GPC6: variants seen among roughly 807,000 people sequenced by gnomAD.
GPC6 encodes the protein glypican 6.
GPC6 carries 14 observed loss-of-function variants against 55.2 expected under a neutral mutation model. The ratio of observed to expected loss-of-function variants is 0.25; its 90% CI spans 0.17 to 0.40. The LOEUF is 0.40. Among genes scored for constraint, GPC6 ranks in the 10% least tolerant of loss-of-function variants. GPC6 has a pLI of 1.00. For synonymous variants in GPC6, 278 were observed against 259.6 expected (o/e 1.07, Z -0.68); for missense variants, 641 against 708.5 (o/e 0.90, Z 1.08).
At chr13:93,362,665 T>C (rs1211653128) in intron 1 of GPC6, among the ~76,000 whole-genome samples, 3 of 149,796 alleles carry the variant, frequency 2.0e-5, no homozygotes, top group Non-Finnish European at 2.9e-5. Context: ...AGTTTGGAAG[T>C]GACTTACTGA....
intron 3 of GPC6, among the ~76,000 whole-genome samples, chr13:93,883,012 G>T (rs372442438): frequency 2.0e-5 from 3 of 151,728 alleles, no homozygotes; most frequent in Non-Finnish European, 4.4e-5. Context: ...TGAATCTCTC[G>T]TATTTTCTTT....
intron 6 of GPC6, among the ~76,000 whole-genome samples, chr13:94,368,418 T>G (rs1051025506): frequency 6.6e-6 from 1 of 152,148 alleles, no homozygotes; most frequent in Non-Finnish European, 1.5e-5. Flanking sequence ...GAAAACATGT[T>G]ATTAGTACAA....
At chr13:93,334,710 G>T (rs185730645) in intron 1 of GPC6, among the ~76,000 whole-genome samples, 1 of 152,056 alleles carries the variant, frequency 6.6e-6, no homozygotes, top group African/African-American at 2.4e-5. Context: ...CAGGTGATTC[G>T]CCTGCCTCAG....
chr13:94,361,316 G>A (rs1489910487), intron 6 of GPC6, among the ~76,000 whole-genome samples: 1 of 152,186 alleles, frequency 6.6e-6, no homozygotes, highest in Non-Finnish European at 1.5e-5. Flanking sequence ...AAGGCCCAGT[G>A]TTTAGAAGTA....
At chr13:94,043,758 A>G (rs1883626157) in intron 4 of GPC6, among the ~76,000 whole-genome samples, 1 of 151,782 alleles carries the variant, frequency 6.6e-6, no homozygotes, top group African/African-American at 2.4e-5. Context: ...GGAGTTGCTA[A>G]CCCATACTCC....
intron 2 of GPC6, among the ~76,000 whole-genome samples, chr13:93,623,350 G>A (rs148919862): frequency 1.3e-5 from 2 of 151,596 alleles, no homozygotes; most frequent in African/African-American, 2.4e-5. Context: ...AAGAACTTCC[G>A]TAATGTTTTC....
chr13:93,600,089 T>C (rs994777551), intron 2 of GPC6, among the ~76,000 whole-genome samples: 3 of 152,228 alleles, frequency 2.0e-5, no homozygotes, highest in Non-Finnish European at 4.4e-5. Context: ...TTACGCTTTC[T>C]CATTCTTATA....
At chr13:93,398,981 G>C (rs780052025) in intron 1 of GPC6, among the ~76,000 whole-genome samples, 13 of 152,028 alleles carry the variant, frequency 8.6e-5, no homozygotes, top group Non-Finnish European at 1.9e-4. Flanking sequence ...AGGCCAGAAA[G>C]AGAAACTGAA....
At chr13:93,285,480 A>G (rs960560412) in intron 1 of GPC6, among the ~76,000 whole-genome samples, 9 of 152,158 alleles carry the variant, frequency 5.9e-5, no homozygotes, top group African/African-American at 2.2e-4. Flanking sequence ...TGTCAATTAG[A>G]CTACAAATCA....
At chr13:93,260,217 C>T (rs1042790639) in intron 1 of GPC6, among the ~76,000 whole-genome samples, 6 of 151,932 alleles carry the variant, frequency 3.9e-5, no homozygotes, top group Admixed American at 3.3e-4. Context: ...TTGTAAAGGG[C>T]TTTTTATTGA....
chr13:93,469,790 G>T (rs528698832), intron 1 of GPC6, among the ~76,000 whole-genome samples: 2 of 151,940 alleles, frequency 1.3e-5, no homozygotes, highest in East Asian at 1.9e-4. Flanking sequence ...TTTACACTAG[G>T]TTTTTTTTGT....
chr13:93,346,598 C>G (rs545298627), intron 1 of GPC6, among the ~76,000 whole-genome samples: 1 of 152,214 alleles, frequency 6.6e-6, no homozygotes, highest in African/African-American at 2.4e-5. Flanking sequence ...TCTGTTGCCC[C>G]AGTGTCTAAA....
chr13:93,280,892 C>T (rs1176240757), intron 1 of GPC6, among the ~76,000 whole-genome samples: 3 of 152,182 alleles, frequency 2.0e-5, no homozygotes, highest in Non-Finnish European at 4.4e-5. Context: ...CAACAGGGTT[C>T]GTGCTCCTAT....
intron 1 of GPC6, among the ~76,000 whole-genome samples, chr13:93,400,674 C>T (rs1421216848): frequency 6.6e-6 from 1 of 152,070 alleles, no homozygotes; most frequent in East Asian, 1.9e-4. Context: ...TAGGATCATG[C>T]ATTTTATGTC....
At chr13:93,574,692 C>T (rs925818951) in intron 2 of GPC6, among the ~76,000 whole-genome samples, 5 of 152,078 alleles carry the variant, frequency 3.3e-5, no homozygotes, top group Non-Finnish European at 5.9e-5. Context: ...TCCATTACCC[C>T]CCAAAAATCT....
intron 2 of GPC6, among the ~76,000 whole-genome samples, chr13:93,608,551 T>G (rs2139535678): frequency 6.6e-6 from 1 of 152,348 alleles, no homozygotes; most frequent in South Asian, 2.1e-4. Context: ...ACTTTCAATC[T>G]TTTCATGTTG....
At chr13:93,284,564 T>C (rs1878050369) in intron 1 of GPC6, among the ~76,000 whole-genome samples, 1 of 152,200 alleles carries the variant, frequency 6.6e-6, no homozygotes, top group African/African-American at 2.4e-5. Flanking sequence ...ATTTCATATA[T>C]TTGTCAGATT....
intron 6 of GPC6, among the ~76,000 whole-genome samples, chr13:94,365,863 A>G (rs1357733207): frequency 6.6e-6 from 1 of 152,242 alleles, no homozygotes; most frequent in African/African-American, 2.4e-5. Flanking sequence ...GAAACAGACC[A>G]GAATACACAT....
intron 4 of GPC6, among the ~76,000 whole-genome samples, chr13:94,178,045 G>T (rs1373960673): frequency 2.4e-5 from 2 of 81,716 alleles, no homozygotes; most frequent in East Asian, 5.4e-4. Context: ...TTGAGATGGA[G>T]TCTCAGTCTG....
Sources: gnomAD v4.1 joint callset for allele counts (sites outside exome capture counted in the v4.1 genomes callset) on GRCh38, gnomAD v4.1.1 for gene constraint, MANE v1.5 for transcripts, NCBI Gene and HGNC (gene_info 2026-07-23, HGNC 2026-07-21) for gene names.